SEMA3C: variants seen among roughly 807,000 people sequenced by gnomAD.
SEMA3C encodes semaphorin-3C.
In SEMA3C, 47 loss-of-function variants were observed where a neutral mutation model predicts 89.4. The observed-to-expected ratio is 0.53, with a 90% CI of 0.42 to 0.67. SEMA3C has a LOEUF of 0.67. Among genes scored for constraint, SEMA3C ranks in the 30% least tolerant of loss-of-function variants. SEMA3C has a pLI of 0.00. For missense variants in SEMA3C, 839 were observed against 929.1 expected (o/e 0.90, Z 1.26); for synonymous variants, 310 against 320.2 (o/e 0.97, Z 0.34).
intron 2 of SEMA3C, among the ~76,000 whole-genome samples, chr7:80,912,864 C>T (rs942978561): frequency 2.0e-5 from 3 of 152,156 alleles, no homozygotes; most frequent in Non-Finnish European, 2.9e-5. Flanking sequence ...AATGCTAATG[C>T]TACCAGAGCT....
chr7:80,842,314 T>C (rs1480627662), intron 2 of SEMA3C, among the ~76,000 whole-genome samples: 1 of 152,136 alleles, frequency 6.6e-6, no homozygotes, highest in Non-Finnish European at 1.5e-5. Flanking sequence ...TTTCACGTGA[T>C]GGTATTTGGA....
intron 2 of SEMA3C, among the ~76,000 whole-genome samples, chr7:80,842,301 A>G (rs1366992242): frequency 6.6e-6 from 1 of 152,178 alleles, no homozygotes; most frequent in Non-Finnish European, 1.5e-5. Flanking sequence ...ATTTGTTTCC[A>G]AATTTCACGT....
chr7:80,886,026 C>T (rs1038567195), intron 2 of SEMA3C, among the ~76,000 whole-genome samples: 1 of 152,152 alleles, frequency 6.6e-6, no homozygotes, highest in African/African-American at 2.4e-5. Context: ...GACCTTAGGA[C>T]AGCTGTGTTT....
rs141906373 is a variant in SEMA3C at position 80,764,939 on chromosome 7, C to A, written c.1443+216G>T. 3.5e-3 allele frequency among the ~76,000 whole-genome samples: 538 copies of A among 152,242 alleles called. 3 individuals carry two copies. The highest frequency in any genetic ancestry group is 0.012 in the African/African-American group (512 of 41,554). ...ATGATAGCTTAAAAACAGAAAGAAT[C>A]CTTTTATCTTAAGATAACTTGAAAT... is the stretch of plus-strand genomic sequence containing the variant. On this transcript the variant is annotated intron_variant, in intron 13 of 17. Coordinates refer to ENST00000265361, the MANE Select transcript of SEMA3C (RefSeq NM_006379.5).
At chr7:80,810,486 A>C (rs2115714684) in intron 6 of SEMA3C, 125 bp downstream of exon 6, 1 of 637,388 alleles carries the variant, frequency 1.6e-6, no homozygotes, top group South Asian at 2.1e-5. Flanking sequence ...TCAGCTCACA[A>C]CTTTCTTCAT....
chr7:80,745,194 C>G lies in SEMA3C; in HGVS notation c.1956G>C (p.Gln652His), dbSNP rs1787772425. The change falls in exon 18 of 18, where the codon CAG becomes CAC. Residue 652 changes from glutamine to histidine, a missense_variant. By Grantham distance (24) the Gln-to-His change is conservative. Coordinates refer to ENST00000265361, the MANE Select transcript of SEMA3C (RefSeq NM_006379.5). ...CTTTGAAGTTGATCTTGGCTATGGT[C>G]TGCTTGAAACTATTTTCTGTAGCAA... is the stretch of plus-strand genomic sequence containing the variant. ...HCIATENSFK[Q>H]TIAKINFKVL... 6.2e-7 allele frequency: 1 copy of G among 1,614,008 alleles called. No homozygotes were observed. The highest frequency in any genetic ancestry group is 8.5e-7 in the Non-Finnish European group (1 of 1,180,002).
chr7:80,918,948 C>G lies in SEMA3C; in HGVS notation c.-159G>C. On this transcript the variant is annotated 5_prime_UTR_variant, in exon 1 of 18. Coordinates refer to ENST00000265361, the MANE Select transcript of SEMA3C (RefSeq NM_006379.5). ...TCTAGCACGTCGCAAAGGTGAAATT[C>G]TTTCTTCCCGGTCCTCTGAGTTTCT... 4.1e-6 allele frequency: 4 copies of G among 985,448 alleles called. No homozygotes were observed. Among genetic ancestry groups the G allele is most frequent in the Non-Finnish European group, 4.8e-6 (4 of 829,962 alleles). The allele number at this position is 985,448 out of a possible 1,614,324, so 61.0% of individuals were successfully genotyped here. A position where few individuals can be genotyped will look rare whatever the true frequency, so the allele number is the denominator to read the frequency against.
chr7:80,907,981 CTAAT>C (rs936968939), intron 2 of SEMA3C, among the ~76,000 whole-genome samples: 2 of 151,914 alleles, frequency 1.3e-5, no homozygotes, highest in Non-Finnish European at 2.9e-5. Context: ...CACATGGACT[CTAAT>C]TATGTAACGA....
intron 2 of SEMA3C, among the ~76,000 whole-genome samples, chr7:80,885,916 C>T (rs1363411397): frequency 6.6e-6 from 1 of 152,208 alleles, no homozygotes; most frequent in East Asian, 1.9e-4. Flanking sequence ...TGTCATCGCA[C>T]AGTATGTCAT....
intron 15 of SEMA3C, 63 bp downstream of exon 15, chr7:80,758,268 G>C: frequency 1.3e-6 from 2 of 1,522,908 alleles, no homozygotes; most frequent in East Asian, 4.6e-5. Context: ...CTAAAGATGT[G>C]AAACACTTCT....
chr7:80,867,474 T>C (rs1790954528), intron 2 of SEMA3C, among the ~76,000 whole-genome samples: 3 of 152,136 alleles, frequency 2.0e-5, no homozygotes, highest in Admixed American at 6.5e-5. Context: ...AGTTTGGAAA[T>C]CCCTAATAAG....
intron 12 of SEMA3C, among the ~76,000 whole-genome samples, chr7:80,784,282 A>AAAAG (rs1554365022): frequency 1.3e-5 from 2 of 150,868 alleles, no homozygotes; most frequent in East Asian, 2.0e-4. Context: ...AAAAAAAAAA[A>AAAAG]AGAGAGATAA....
chr7:80,902,923 A>C (rs1158052982), intron 2 of SEMA3C, among the ~76,000 whole-genome samples: 1 of 152,206 alleles, frequency 6.6e-6, no homozygotes, highest in African/African-American at 2.4e-5. Context: ...GACCTAAGCC[A>C]AGATTATGTG....
chr7:80,786,111 T>C (rs1788796177), intron 12 of SEMA3C, among the ~76,000 whole-genome samples: 1 of 152,238 alleles, frequency 6.6e-6, no homozygotes, highest in African/African-American at 2.4e-5. Flanking sequence ...GAGACTCCTG[T>C]GGCTTTGTAA....
chr7:80,757,923 A>T (rs1220784648), intron 15 of SEMA3C, among the ~76,000 whole-genome samples: 1 of 152,166 alleles, frequency 6.6e-6, no homozygotes, highest in Admixed American at 6.5e-5. Flanking sequence ...CCAAGATCGC[A>T]CCATTGCACT....
Position 80,918,877 on chromosome 7 carries a change from T to C in SEMA3C, c.-88A>G. The C allele has an allele frequency of 1.0e-6, 1 of 985,420 alleles. No homozygotes were observed. Among genetic ancestry groups the C allele is most frequent in the Non-Finnish European group, 1.2e-6 (1 of 829,944 alleles). The allele number at this position is 985,420 out of a possible 1,614,324, so 61.0% of individuals were successfully genotyped here. ...AAAAGTCATCAGTTTGCTACCGGGGTTGGATGCGCTTGTGTCTCCAGTCCT... is the reference window on the plus strand; with the variant it reads ...AAAAGTCATCAGTTTGCTACCGGGGCTGGATGCGCTTGTGTCTCCAGTCCT... On this transcript the variant is annotated 5_prime_UTR_variant, in exon 1 of 18. Coordinates refer to ENST00000265361, the MANE Select transcript of SEMA3C (RefSeq NM_006379.5).
chr7:80,790,545 G>A (rs990947951), intron 11 of SEMA3C, among the ~76,000 whole-genome samples: 2 of 152,226 alleles, frequency 1.3e-5, no homozygotes, highest in African/African-American at 4.8e-5. Flanking sequence ...AGGTCTTGCT[G>A]CTCCTGAGCC....
intron 4 of SEMA3C, among the ~76,000 whole-genome samples, chr7:80,819,443 A>T (rs577480598): frequency 6.6e-6 from 1 of 152,294 alleles, no homozygotes; most frequent in Admixed American, 6.5e-5. Flanking sequence ...TTGAACACAC[A>T]CACATTATAC....
chr7:80,893,160 AG>A (rs2116159012), intron 2 of SEMA3C, among the ~76,000 whole-genome samples: 1 of 152,240 alleles, frequency 6.6e-6, no homozygotes, highest in South Asian at 2.1e-4. Context: ...TTCCTTATCT[AG>A]CCCTCCTTTT....
Sources: allele counts gnomAD v4.1 joint callset (sites outside exome capture counted in the v4.1 genomes callset), GRCh38; gene constraint gnomAD v4.1.1; transcripts MANE v1.5; gene names NCBI Gene and HGNC (gene_info 2026-07-23, HGNC 2026-07-21).